PALLD: variants seen among roughly 807,000 people sequenced by gnomAD.
The protein encoded by PALLD is palladin.
PALLD carries 61 observed loss-of-function variants against 123.5 expected under a neutral mutation model. That is an observed-to-expected ratio of 0.49 (90% confidence interval 0.40 to 0.61). The LOEUF is 0.61. Among genes scored for constraint, PALLD ranks in the 20% least tolerant of loss-of-function variants. The pLI, the probability that PALLD is intolerant of heterozygous loss-of-function variation, is 0.00. For missense variants in PALLD, 1,273 were observed against 1,377.0 expected, an observed-to-expected ratio of 0.92 and a Z score of 1.20; for synonymous variants, 465 against 496.4, an observed-to-expected ratio of 0.94 and a Z score of 0.84.
chr4:168,557,481 T>C (rs1767439761), intron 2 of PALLD, among the ~76,000 whole-genome samples: 1 of 152,230 alleles, frequency 6.6e-6, no homozygotes, highest in South Asian at 2.1e-4. Context: ...GCATTAACTT[T>C]GAAACTACAG....
chr4:168,616,122 C>A (rs1774202481), intron 2 of PALLD, among the ~76,000 whole-genome samples: 1 of 151,752 alleles, frequency 6.6e-6, no homozygotes, highest in Non-Finnish European at 1.5e-5. Context: ...AATTTTGTGA[C>A]CAAAAAAAAA....
chr4:168,852,031 C>G (rs1020994578), intron 10 of PALLD, among the ~76,000 whole-genome samples: 1 of 152,290 alleles, frequency 6.6e-6, no homozygotes, highest in East Asian at 1.9e-4. Flanking sequence ...CTCCTGCCTT[C>G]CTGAGTGAGT....
intron 5 of PALLD, 40 bp from the exon 6 acceptor site, chr4:168,685,445 A>G: frequency 7.6e-7 from 1 of 1,316,160 alleles, no homozygotes; most frequent in Non-Finnish European, 1.1e-6. Context: ...TAGGCAATTT[A>G]TATATTTAGA....
chr4:168,712,860 A>G (rs1243119917), intron 10 of PALLD, among the ~76,000 whole-genome samples: 1 of 152,162 alleles, frequency 6.6e-6, no homozygotes, highest in Non-Finnish European at 1.5e-5. Context: ...TTTCCCTAGC[A>G]TTGACTAGCC....
At chr4:168,590,925 G>GCTA (rs1336089293) in intron 2 of PALLD, among the ~76,000 whole-genome samples, 4 of 127,052 alleles carry the variant, frequency 3.1e-5, no homozygotes, top group Admixed American at 9.7e-5. Context: ...TGTTGCCCAG[G>GCTA]CTAGAGTGCA....
At chr4:168,516,186 G>C (rs1272093791) in intron 2 of PALLD, among the ~76,000 whole-genome samples, 2 of 152,168 alleles carry the variant, frequency 1.3e-5, no homozygotes, top group African/African-American at 4.8e-5. Flanking sequence ...ATATACAATT[G>C]AGGTAGTATT....
At chr4:168,789,875 T>A (rs1737267609) in intron 10 of PALLD, among the ~76,000 whole-genome samples, 3 of 152,118 alleles carry the variant, frequency 2.0e-5, no homozygotes, top group Admixed American at 2.0e-4. Flanking sequence ...TATAATCTAA[T>A]CTGGTAGGGG....
At chr4:168,883,297 A>G (rs1752884785) in intron 10 of PALLD, among the ~76,000 whole-genome samples, 2 of 152,198 alleles carry the variant, frequency 1.3e-5, no homozygotes, top group African/African-American at 4.8e-5. Flanking sequence ...ACAAAAGCTC[A>G]GTTTGTATAT....
chr4:168,736,977 AAAG>A (rs1479677946), intron 10 of PALLD, among the ~76,000 whole-genome samples: 1 of 152,222 alleles, frequency 6.6e-6, no homozygotes, highest in Non-Finnish European at 1.5e-5. Context: ...ACAGTGGTGT[AAAG>A]AAGATTTATA....
At chr4:168,594,285 C>A (rs1258470431) in intron 2 of PALLD, among the ~76,000 whole-genome samples, 1 of 152,046 alleles carries the variant, frequency 6.6e-6, no homozygotes, top group African/African-American at 2.4e-5. Flanking sequence ...TAGTCAAAGG[C>A]TGAATAAATA....
intron 10 of PALLD, among the ~76,000 whole-genome samples, chr4:168,779,052 A>T (rs1735548839): frequency 6.6e-6 from 1 of 152,218 alleles, no homozygotes; most frequent in African/African-American, 2.4e-5. Flanking sequence ...TCGTGACATG[A>T]TTCTGCATGA....
At chr4:168,791,878 T>C (rs1737573224) in intron 10 of PALLD, among the ~76,000 whole-genome samples, 1 of 152,102 alleles carries the variant, frequency 6.6e-6, no homozygotes, top group African/African-American at 2.4e-5. Context: ...AAATAAGTAC[T>C]TCTTTTATAA....
At chr4:168,756,323 T>G (rs1731872532) in intron 10 of PALLD, 1 of 231,942 alleles carries the variant, frequency 4.3e-6, no homozygotes, top group African/African-American at 2.3e-5. Context: ...AACCAGGATA[T>G]CAGAACATTT....
In PALLD at chr4:168,898,561, T is replaced by C. The variant is rs961514057; in HGVS notation, c.2319T>C (p.Pro773=). The part of the protein sequence containing the change: ...SEIEYRLERS[P]VDESGDEVQY... ...TAGAGTACAGGCTAGAAAGGTCTCC[T>C]GTGGATGAATCAGGTGATGAAGTTC... The change falls in exon 14 of 22, where the codon CCT becomes CCC. Residue 773 remains proline, a synonymous_variant. Transcript: ENST00000505667. The C allele has an allele frequency of 6.2e-7, 1 of 1,613,972 alleles. No homozygotes were observed. Among genetic ancestry groups the C allele is most frequent in the South Asian group, 1.1e-5 (1 of 91,078 alleles).
intron 10 of PALLD, among the ~76,000 whole-genome samples, chr4:168,874,330 A>C (rs1041377763): frequency 2.6e-5 from 4 of 152,200 alleles, no homozygotes; most frequent in Non-Finnish European, 5.9e-5. Context: ...AGATGACTGA[A>C]TTAGAAAATA....
chr4:168,512,783 G>A (rs4289411), intron 2 of PALLD, among the ~76,000 whole-genome samples: 44,578 of 152,030 alleles, frequency 0.29, 6,652 homozygotes, highest in Non-Finnish European at 0.33. Context: ...TGCTAAAGAC[G>A]GTTGAAAGCA....
chr4:168,641,563 A>G (rs1258236640), intron 2 of PALLD, among the ~76,000 whole-genome samples: 2 of 152,082 alleles, frequency 1.3e-5, no homozygotes, highest in Non-Finnish European at 2.9e-5. Context: ...TGTCCTCTTC[A>G]GTTTTGCTGA....
chr4:168,828,326 T>C (rs1743709683), intron 10 of PALLD, among the ~76,000 whole-genome samples: 1 of 152,258 alleles, frequency 6.6e-6, no homozygotes. Context: ...GATTTTGGGC[T>C]TTAATTCTTA....
At chr4:168,575,682 G>A (rs1408958230) in intron 2 of PALLD, among the ~76,000 whole-genome samples, 1 of 152,030 alleles carries the variant, frequency 6.6e-6, no homozygotes, top group African/African-American at 2.4e-5. Context: ...GGTCTACAAT[G>A]CTTCTCTCAG....
Sources: allele counts gnomAD v4.1 joint callset (sites outside exome capture counted in the v4.1 genomes callset), GRCh38; gene constraint gnomAD v4.1.1; transcripts MANE v1.5; gene names NCBI Gene and HGNC (gene_info 2026-07-23, HGNC 2026-07-21).